RAB1B: variants seen among roughly 807,000 people sequenced by gnomAD.
RAB1B encodes ras-related protein Rab-1B.
In RAB1B, 10 loss-of-function variants were observed where a neutral mutation model predicts 24.8. That is an observed-to-expected ratio of 0.40 (90% CI 0.25 to 0.68). RAB1B has a LOEUF of 0.68. Ranked by LOEUF, RAB1B falls within the 30% of genes least tolerant of loss-of-function variation. RAB1B has a pLI of 0.37. For synonymous variants in RAB1B, 99 were observed against 111.7 expected, an observed-to-expected ratio of 0.89 and a Z score of 0.72; for missense variants, 154 against 271.2, an observed-to-expected ratio of 0.57 and a Z score of 3.04.
At chr11:66,272,013 A>C in intron 2 of RAB1B, 144 bp downstream of exon 2, 1 of 946,542 alleles carries the variant, frequency 1.1e-6, no homozygotes, top group Non-Finnish European at 1.7e-6. Flanking sequence ...TCTGCCCTGA[A>C]CAAGACAGGG....
intron 1 of RAB1B, chr11:66,270,423 C>T (rs1015771917): frequency 6.6e-6 from 1 of 152,160 alleles, no homozygotes; most frequent in Non-Finnish European, 1.5e-5. Flanking sequence ...ACTAAAAATA[C>T]AAAAATTAGC....
chr11:66,273,358 A>T lies in RAB1B; in HGVS notation c.279+898A>T, dbSNP rs539571316. ...TGGGGAAGCTACATACCACCCAGAC[A>T]AGTTACCAGGGCCCACCTGACTGCC... On this transcript the variant is annotated intron_variant, in intron 4 of 5. Coordinates refer to ENST00000311481, the MANE Select transcript of RAB1B (RefSeq NM_030981.3). 2.0e-4 allele frequency among the ~76,000 whole-genome samples: 30 copies of T among 152,288 alleles called. No homozygotes were observed. In the South Asian group the frequency reaches 6.0e-3, roughly 30 times the overall value.
chr11:66,268,804 C>T (rs1856989179), intron 1 of RAB1B, 111 bp downstream of exon 1: 2 of 1,072,250 alleles, frequency 1.9e-6, no homozygotes, highest in Non-Finnish European at 2.5e-6. Flanking sequence ...CCCCCACATC[C>T]GGGTCCCTCT....
chr11:66,275,538 G>C (rs1388308033), intron 4 of RAB1B, among the ~76,000 whole-genome samples: 2 of 152,170 alleles, frequency 1.3e-5, no homozygotes, highest in African/African-American at 4.8e-5. Context: ...GCTGCAGGGA[G>C]CAGAGCTGGC....
intron 1 of RAB1B, 99 bp from the exon 2 acceptor site, chr11:66,271,698 G>A (rs2134861533): frequency 1.2e-6 from 1 of 816,508 alleles, no homozygotes; most frequent in South Asian, 1.4e-5. Flanking sequence ...TAAACCAAGG[G>A]ATGCCTCATG....
At chr11:66,272,019 C>A in intron 2 of RAB1B, 138 bp from the exon 3 acceptor site, 1 of 943,794 alleles carries the variant, frequency 1.1e-6, no homozygotes, top group Non-Finnish European at 1.7e-6. Context: ...CTGAACAAGA[C>A]AGGGCTGGCC....
At chr11:66,272,578 G>T in intron 4 of RAB1B, 118 bp downstream of exon 4, 1 of 661,118 alleles carries the variant, frequency 1.5e-6, no homozygotes, top group South Asian at 2.4e-5. Context: ...CTATTTGTCT[G>T]CTTACAGGAA....
intron 1 of RAB1B, among the ~76,000 whole-genome samples, chr11:66,269,022 G>T (rs1039632342): frequency 2.0e-5 from 3 of 152,034 alleles, no homozygotes; most frequent in Admixed American, 6.5e-5. Context: ...TTCCCCACCT[G>T]CTGCTTGACA....
intron 4 of RAB1B, among the ~76,000 whole-genome samples, chr11:66,272,843 A>G (rs183108512): frequency 3.9e-5 from 6 of 152,322 alleles, no homozygotes; most frequent in Non-Finnish European, 7.4e-5. Context: ...GACACAGTGC[A>G]GGGGGACAAT....
In RAB1B at chr11:66,272,353, A is replaced by C. The variant is rs375792546; in HGVS notation, c.184-12A>C. The C allele has an allele frequency of 2.4e-5, 39 of 1,611,246 alleles. No homozygotes were observed. The highest frequency in any genetic ancestry group is 3.1e-5 in the Non-Finnish European group (37 of 1,177,796). The stretch of plus-strand genomic sequence containing the variant: ...CCTCAGCTGACCTGCTCCTCTGCCT[A>C]CTGTCTCCTAGTGGGACACAGCGGG... On this transcript the variant is annotated splice_polypyrimidine_tract_variant and intron_variant, in intron 3 of 5. Coordinates refer to ENST00000311481, the MANE Select transcript of RAB1B (RefSeq NM_030981.3).
intron 3 of RAB1B, 46 bp from the exon 4 acceptor site, chr11:66,272,319 G>C (rs1857073859): frequency 6.2e-7 from 1 of 1,604,140 alleles, no homozygotes; most frequent in Non-Finnish European, 8.5e-7. Context: ...GGGACTCTGG[G>C]ACTCTGGACC....
At chr11:66,273,980 T>C (rs936849871) in intron 4 of RAB1B, among the ~76,000 whole-genome samples, 1 of 152,102 alleles carries the variant, frequency 6.6e-6, no homozygotes, top group Admixed American at 6.5e-5. Flanking sequence ...TTTAATATTT[T>C]TATTTATTTT....
intron 1 of RAB1B, among the ~76,000 whole-genome samples, chr11:66,269,628 C>T (rs948448936): frequency 3.3e-4 from 50 of 152,304 alleles, no homozygotes; most frequent in African/African-American, 1.1e-3. Context: ...GAGAAGGGAA[C>T]CAGCAGGCTC....
chr11:66,272,305 G>A (rs1857073391), intron 3 of RAB1B, 53 bp downstream of exon 3: 4 of 1,599,722 alleles, frequency 2.5e-6, no homozygotes, highest in Admixed American at 1.7e-5. Context: ...ACCTTGGGAG[G>A]GAAGGGACTC....
chr11:66,274,381 T>C (rs1209615704), intron 4 of RAB1B, among the ~76,000 whole-genome samples: 2 of 152,168 alleles, frequency 1.3e-5, no homozygotes, highest in Non-Finnish European at 2.9e-5. Flanking sequence ...GTACTGTTTA[T>C]AGAAATGAGG....
chr11:66,272,736 CTTGCCACCTTA>C (rs1289072683), intron 4 of RAB1B: 1 of 293,432 alleles, frequency 3.4e-6, no homozygotes, highest in Non-Finnish European at 6.4e-6. Context: ...CCAAGCCAAA[CTTGCCACCTTA>C]TTGTAGACCT....
Position 66,271,806 on chromosome 11 carries a change from G to A in RAB1B, c.24G>A (p.Leu8=). The A allele has an allele frequency of 6.2e-7, 1 of 1,613,976 alleles. No individual in the cohort carries two copies. The highest frequency in any genetic ancestry group is 8.5e-7 in the Non-Finnish European group (1 of 1,179,918). Residue 8 remains leucine (L), a synonymous_variant, in exon 2 of 6, where the codon CTG becomes CTA. Coordinates refer to ENST00000311481, the MANE Select transcript of RAB1B (RefSeq NM_030981.3). The part of the protein sequence containing the change: MNPEYDY[L]FKLLLIGDSG... The stretch of plus-strand genomic sequence containing the variant: ...CATCTTCTCTCTCCAGTGACTACCT[G>A]TTTAAGCTGCTTTTGATTGGCGACT...
rs373550360 is a variant in RAB1B, at chr11:66,276,586, CCTT to C, written c.*356_*358del. 2.6e-3 allele frequency: 606 copies of C among 233,468 alleles called. 5 individuals are homozygous for C. The highest frequency in any genetic ancestry group is 0.012 in the African/African-American group (506 of 43,590). 14.5% of individuals were successfully genotyped at this position (233,468 alleles called of 1,614,324 possible). A position where few individuals can be genotyped will look rare whatever the true frequency, so the allele number is the denominator to read the frequency against. ...CCATGTATGCTGCACTGGGTTCTCT[CCTT>C]CTTCTTCCTGCTGTCCTGCCCAAGA... On this transcript the variant is annotated 3_prime_UTR_variant, in exon 6 of 6. Transcript: ENST00000311481.
rs754375900 is a variant in RAB1B at position 66,276,035 on chromosome 11, C to A, written c.412-9C>A. Reference sequence around the variant, plus strand: ...CTCTCCCCTCCTCTTCTCTCCTCTCCCTTGTCAGGAGTTTGCAGACTCTCT... The same window carrying A: ...CTCTCCCCTCCTCTTCTCTCCTCTCACTTGTCAGGAGTTTGCAGACTCTCT... On this transcript the variant is annotated splice_polypyrimidine_tract_variant and intron_variant, in intron 5 of 5. Transcript: ENST00000311481. 10 of 1,611,802 alleles carry A rather than the reference C, an allele frequency of 6.2e-6. No individual in the cohort carries two copies. The Admixed American group carries it at 1.7e-4, about 27-fold the overall frequency.
Sources: allele counts gnomAD v4.1 joint callset (sites outside exome capture counted in the v4.1 genomes callset), GRCh38; gene constraint gnomAD v4.1.1; transcripts MANE v1.5; gene names NCBI Gene and HGNC (gene_info 2026-07-23, HGNC 2026-07-21).